The following RBM46 variants were observed in gnomAD, a reference collection of about 807,000 sequenced individuals.
RBM46 encodes the protein probable RNA-binding protein 46.
A neutral mutation model predicts 43.3 loss-of-function variants in RBM46; 12 were observed. The ratio of observed to expected loss-of-function variants is 0.28; its 90% CI spans 0.18 to 0.45. The LOEUF is 0.45. RBM46 is among the 20% of genes least tolerant of loss of function. The pLI is 1.00. For synonymous variants in RBM46, 205 were observed against 207.6 expected (o/e 0.99, Z 0.11); for missense variants, 412 against 639.1 (o/e 0.64, Z 3.83).
chr4:154,786,586 C>T (rs1224498851), intron 1 of RBM46, among the ~76,000 whole-genome samples: 1 of 151,786 alleles, frequency 6.6e-6, no homozygotes, highest in African/African-American at 2.4e-5. Context: ...TCTCTTTCTG[C>T]TGTTTAATAA....
intron 4 of RBM46, among the ~76,000 whole-genome samples, chr4:154,823,789 C>T (rs1339744231): frequency 6.6e-6 from 1 of 151,936 alleles, no homozygotes; most frequent in Admixed American, 6.6e-5. Context: ...ATAAACAGGC[C>T]TGACAAGTAT....
At chr4:154,820,375 A>G (rs1236009177) in intron 4 of RBM46, 4 of 1,525,130 alleles carry the variant, frequency 2.6e-6, no homozygotes, top group Non-Finnish European at 3.5e-6. Context: ...AGGGAACACA[A>G]TCTCTTCAGC....
chr4:154,792,862 A>G (rs1734168473), intron 1 of RBM46, among the ~76,000 whole-genome samples: 1 of 152,182 alleles, frequency 6.6e-6, no homozygotes, highest in Non-Finnish European at 1.5e-5. Flanking sequence ...AGAGATCCTT[A>G]TGGCTTTCTA....
chr4:154,821,758 C>T (rs982627507), intron 4 of RBM46, among the ~76,000 whole-genome samples: 1 of 151,502 alleles, frequency 6.6e-6, no homozygotes, highest in Middle Eastern at 3.2e-3. Flanking sequence ...TTAATGTTTT[C>T]CCATTATGTA....
chr4:154,823,322 T>G (rs1341151255), intron 4 of RBM46, among the ~76,000 whole-genome samples: 1 of 151,916 alleles, frequency 6.6e-6, no homozygotes, highest in East Asian at 1.9e-4. Flanking sequence ...TGTTCTAGAA[T>G]TTTATAGTGG....
chr4:154,798,490 A>G (rs1275546492), intron 3 of RBM46, among the ~76,000 whole-genome samples: 2 of 152,230 alleles, frequency 1.3e-5, no homozygotes, highest in African/African-American at 4.8e-5. Context: ...TACTGGATAT[A>G]TACACTTTGA....
chr4:154,789,887 C>A (rs1310804149), intron 1 of RBM46, among the ~76,000 whole-genome samples: 2 of 152,106 alleles, frequency 1.3e-5, no homozygotes, highest in African/African-American at 4.8e-5. Context: ...TCAACTTCTT[C>A]CTGGTTTAGT....
intron 4 of RBM46, among the ~76,000 whole-genome samples, chr4:154,819,755 A>G (rs955831511): frequency 6.6e-6 from 1 of 152,160 alleles, no homozygotes; most frequent in Non-Finnish European, 1.5e-5. Flanking sequence ...AGATTTGGAT[A>G]TACATCCATA....
intron 4 of RBM46, among the ~76,000 whole-genome samples, chr4:154,806,657 A>T (rs156586): frequency 0.035 from 5,367 of 151,926 alleles, 321 homozygotes; most frequent in African/African-American, 0.12. Context: ...GCTGGAAAAA[A>T]AAATAAATAA....
intron 4 of RBM46, among the ~76,000 whole-genome samples, chr4:154,804,916 G>GT (rs1378405061): frequency 1.4e-5 from 2 of 140,200 alleles, no homozygotes; most frequent in South Asian, 2.4e-4. Context: ...ATAAAACATT[G>GT]TTTTTTTGTT....
At position 154,798,244 on chromosome 4, in the gene RBM46, A is replaced by G. The variant is rs774867647; in HGVS notation, c.585A>G (p.Arg195=). 6.3e-7 allele frequency: 1 copy of G among 1,598,746 alleles called. No homozygotes were observed. Among genetic ancestry groups the G allele is most frequent in the Non-Finnish European group, 8.5e-7 (1 of 1,174,500 alleles). Residue 195 remains arginine, a synonymous_variant, in exon 3 of 5, where the codon AGA becomes AGG. Coordinates refer to ENST00000281722, the MANE Select transcript of RBM46 (RefSeq NM_144979.5). ...GFAFVEYESH[R]AAAMARRKLI... is the part of the protein sequence containing the mutation. ...CATTTGTGGAATATGAATCTCACAG[A>G]GCTGCTGCTATGGCAAGGAGGAAAC...
chr4:154,823,497 CAAAAG>C (rs1441174545), intron 4 of RBM46, among the ~76,000 whole-genome samples: 1 of 151,336 alleles, frequency 6.6e-6, no homozygotes, highest in Non-Finnish European at 1.5e-5. Context: ...TAGTCAGAAA[CAAAAG>C]AAAAAGGGAG....
intron 4 of RBM46, among the ~76,000 whole-genome samples, chr4:154,823,378 G>C (rs1053709618): frequency 6.6e-6 from 1 of 151,842 alleles, no homozygotes; most frequent in Admixed American, 6.6e-5. Flanking sequence ...CACACTTAAA[G>C]ATAGAAAGTG....
At chr4:154,826,951 C>A in intron 4 of RBM46, 1 of 1,318,224 alleles carries the variant, frequency 7.6e-7, no homozygotes, top group Non-Finnish European at 9.6e-7. Flanking sequence ...TCTTTTCTTC[C>A]ATTCCTAGAA....
intron 4 of RBM46, among the ~76,000 whole-genome samples, chr4:154,812,219 G>A (rs1735214353): frequency 1.3e-5 from 2 of 151,988 alleles, no homozygotes; most frequent in African/African-American, 4.8e-5. Flanking sequence ...TTATGTTTCT[G>A]TAAGTTAAAA....
At chr4:154,815,485 T>C (rs1365960067) in intron 4 of RBM46, among the ~76,000 whole-genome samples, 1 of 152,050 alleles carries the variant, frequency 6.6e-6, no homozygotes, top group Non-Finnish European at 1.5e-5. Context: ...GATATCAGTC[T>C]TTTACATTTT....
chr4:154,782,282 A>G (rs1007599636), intron 1 of RBM46, among the ~76,000 whole-genome samples: 1 of 152,148 alleles, frequency 6.6e-6, no homozygotes, highest in Non-Finnish European at 1.5e-5. Flanking sequence ...CCTGGCGTTG[A>G]TATTCTGAGA....
intron 4 of RBM46, chr4:154,827,538 T>G: frequency 9.4e-7 from 1 of 1,059,160 alleles, no homozygotes; most frequent in Non-Finnish European, 1.1e-6. Context: ...AGAACCAAAT[T>G]TAAAAGAAGC....
chr4:154,826,732 AT>A, intron 4 of RBM46: 2 of 1,201,966 alleles, frequency 1.7e-6, no homozygotes, highest in Non-Finnish European at 2.2e-6. Context: ...ACTGATTTTC[AT>A]TTTTCCTTTT....
Sources: gnomAD v4.1 joint callset for allele counts (sites outside exome capture counted in the v4.1 genomes callset) on GRCh38, gnomAD v4.1.1 for gene constraint, MANE v1.5 for transcripts, NCBI Gene and HGNC (gene_info 2026-07-23, HGNC 2026-07-21) for gene names.